TMTC2: variants seen among roughly 807,000 people sequenced by gnomAD.
The protein encoded by TMTC2 is transmembrane O-mannosyltransferase targeting cadherins 2, also known as protein O-mannosyl-transferase TMTC2.
In TMTC2, 43 loss-of-function variants were observed where a neutral mutation model predicts 82.4. The observed-to-expected ratio is 0.52, with a 90% CI of 0.41 to 0.67. TMTC2 has a LOEUF of 0.67. Among genes scored for constraint, TMTC2 ranks in the 30% least tolerant of loss-of-function variants. TMTC2 has a pLI of 0.00. For synonymous variants in TMTC2, 408 were observed against 381.9 expected (o/e 1.07, Z -0.80); for missense variants, 919 against 1,012.4 (o/e 0.91, Z 1.25).
At chr12:82,716,939 G>T (rs1039907706) in intron 1 of TMTC2, among the ~76,000 whole-genome samples, 1 of 152,024 alleles carries the variant, frequency 6.6e-6, no homozygotes, top group Admixed American at 6.6e-5. Context: ...GAGAAAGAAA[G>T]GTATATATAG....
chr12:83,051,164 T>C (rs1172689379), intron 10 of TMTC2, 146 bp downstream of exon 10: 4 of 589,734 alleles, frequency 6.8e-6, no homozygotes, highest in Non-Finnish European at 1.1e-5. Flanking sequence ...AAATATTGTA[T>C]TCATTATAGG....
At chr12:82,963,149 A>G (rs1318679212) in intron 4 of TMTC2, among the ~76,000 whole-genome samples, 1 of 152,032 alleles carries the variant, frequency 6.6e-6, no homozygotes, top group Non-Finnish European at 1.5e-5. Flanking sequence ...TATACACCAC[A>G]GACCATTCTT....
chr12:82,773,661 A>G (rs1382390125), intron 1 of TMTC2, among the ~76,000 whole-genome samples: 4 of 151,964 alleles, frequency 2.6e-5, no homozygotes, highest in Non-Finnish European at 5.9e-5. Context: ...GGGTTTCACC[A>G]TGTTGGTCAG....
intron 8 of TMTC2, among the ~76,000 whole-genome samples, chr12:83,029,741 T>C (rs10778932): frequency 0.92 from 140,712 of 152,248 alleles, 65,119 homozygotes; most frequent in African/African-American, 0.98. Context: ...TGTGCCATCC[T>C]TCTGTGTTAC....
intron 3 of TMTC2, among the ~76,000 whole-genome samples, chr12:82,913,858 C>T (rs946000383): frequency 6.6e-6 from 1 of 152,132 alleles, no homozygotes; most frequent in Non-Finnish European, 1.5e-5. Context: ...AAACAAATCC[C>T]TGCATACTCA....
chr12:82,908,683 T>C (rs966506005), intron 3 of TMTC2, among the ~76,000 whole-genome samples: 1 of 152,176 alleles, frequency 6.6e-6, no homozygotes, highest in Non-Finnish European at 1.5e-5. Flanking sequence ...GTTAGGAGCA[T>C]TACTTCTTTT....
chr12:83,113,967 C>T (rs559894679), intron 11 of TMTC2, among the ~76,000 whole-genome samples: 1 of 152,208 alleles, frequency 6.6e-6, no homozygotes, highest in South Asian at 2.1e-4. Flanking sequence ...ATTCATTCTG[C>T]GAGTGGACAG....
intron 2 of TMTC2, among the ~76,000 whole-genome samples, chr12:82,865,285 A>G (rs1003237160): frequency 6.6e-6 from 1 of 152,154 alleles, no homozygotes; most frequent in African/African-American, 2.4e-5. Flanking sequence ...GCAGAGACAC[A>G]CATAGGCTCA....
chr12:82,957,738 C>A (rs10862529), intron 4 of TMTC2, among the ~76,000 whole-genome samples: 104,938 of 151,848 alleles, frequency 0.69, 37,809 homozygotes, highest in South Asian at 0.84. Flanking sequence ...CTTCTATGCA[C>A]GCAAACTAGA....
chr12:82,851,075 A>G (rs1373931104), intron 1 of TMTC2, among the ~76,000 whole-genome samples: 1 of 151,094 alleles, frequency 6.6e-6, no homozygotes, highest in Non-Finnish European at 1.5e-5. Flanking sequence ...AAAAAAAGAA[A>G]ACAACATTGT....
rs772191640 is a variant in TMTC2, at chr12:82,896,346, G to C, written c.1183G>C (p.Val395Leu). The change falls in exon 3 of 12, where the codon GTT (valine) becomes CTT (leucine). Residue 395 changes from valine (V) to leucine (L), a missense_variant. Coordinates refer to ENST00000321196, the MANE Select transcript of TMTC2 (RefSeq NM_152588.3). The stretch of plus-strand genomic sequence containing the variant: ...GCTTCCTTCTACGGAGAACATTGTT[G>C]TTCTGTCTTTATCTTTGTTAATCAT... ...TQLPSTENIV[V>L]LSLSLLIIPF... 1 of 1,614,124 alleles carries C rather than the reference G, an allele frequency of 6.2e-7. No individual in the cohort carries two copies. The highest frequency in any genetic ancestry group is 1.1e-5 in the South Asian group (1 of 91,080).
At chr12:82,969,127 G>GA (rs1342876777) in intron 7 of TMTC2, among the ~76,000 whole-genome samples, 3 of 151,770 alleles carry the variant, frequency 2.0e-5, no homozygotes, top group Non-Finnish European at 4.4e-5. Context: ...CATTTGACAA[G>GA]AAAAAAAATG....
At chr12:83,081,793 C>G (rs774015815) in intron 11 of TMTC2, among the ~76,000 whole-genome samples, 5 of 152,030 alleles carry the variant, frequency 3.3e-5, no homozygotes, top group Non-Finnish European at 5.9e-5. Flanking sequence ...AATCCTAGCA[C>G]TTTGGGAGGC....
chr12:82,910,652 G>A (rs1395039248), intron 3 of TMTC2, among the ~76,000 whole-genome samples: 2 of 152,196 alleles, frequency 1.3e-5, no homozygotes, highest in Admixed American at 6.5e-5. Flanking sequence ...TTAGCAGACG[G>A]AGGGCCAGAA....
intron 1 of TMTC2, among the ~76,000 whole-genome samples, chr12:82,812,581 A>G (rs1185819608): frequency 2.6e-5 from 4 of 152,112 alleles, no homozygotes; most frequent in African/African-American, 4.8e-5. Flanking sequence ...TTTCTGTATC[A>G]TGTGGAATAG....
chr12:83,095,596 G>A (rs1175581972), intron 11 of TMTC2, among the ~76,000 whole-genome samples: 1 of 152,016 alleles, frequency 6.6e-6, no homozygotes, highest in Non-Finnish European at 1.5e-5. Context: ...CCCGAGACGG[G>A]GAAAGACTCT....
chr12:83,034,292 A>T (rs535161661), intron 9 of TMTC2, among the ~76,000 whole-genome samples: 47 of 152,316 alleles, frequency 3.1e-4, no homozygotes, highest in African/African-American at 1.1e-3. Flanking sequence ...CCAACTATTA[A>T]AGGGCTACGT....
intron 8 of TMTC2, among the ~76,000 whole-genome samples, chr12:83,004,655 C>G (rs769372845): frequency 1.9e-4 from 27 of 143,190 alleles, no homozygotes; most frequent in Admixed American, 6.7e-4. Flanking sequence ...GGCCATGGCT[C>G]TGCACGGGAT....
intron 11 of TMTC2, among the ~76,000 whole-genome samples, chr12:83,066,527 A>G (rs1445594619): frequency 6.6e-6 from 1 of 151,970 alleles, no homozygotes; most frequent in Non-Finnish European, 1.5e-5. Context: ...TGAAAATAGT[A>G]ATTTAGAGTG....
Sources: gnomAD v4.1 joint callset for allele counts (sites outside exome capture counted in the v4.1 genomes callset) on GRCh38, gnomAD v4.1.1 for gene constraint, MANE v1.5 for transcripts, NCBI Gene and HGNC (gene_info 2026-07-23, HGNC 2026-07-21) for gene names.